Variants in ST3GAL3 observed in about 807,000 individuals in gnomAD.
The protein encoded by ST3GAL3 is CMP-N-acetylneuraminate-beta-1,4-galactoside alpha-2,3-sialyltransferase.
In ST3GAL3, 21 loss-of-function variants were observed where a neutral mutation model predicts 50.1. The observed-to-expected ratio is 0.42, with a 90% confidence interval of 0.30 to 0.60. ST3GAL3 has a LOEUF of 0.60. ST3GAL3 is among the 20% of genes least tolerant of loss of function. The pLI is 0.19. For synonymous variants in ST3GAL3, 183 were observed against 190.0 expected (o/e 0.96, Z 0.30); for missense variants, 353 against 489.4 (o/e 0.72, Z 2.63).
Position 43,920,781 on chromosome 1 carries a change from G to A in ST3GAL3, c.892-1G>A. On this transcript the variant is annotated splice_acceptor_variant, in intron 10 of 11. Transcript: ENST00000347631. LOFTEE classifies it high-confidence loss of function. ...CTCTCACCCCTGCCCCCGTCTTCTA[G>A]AACATCCCTACCCTTGGCAGTGTGG... 1 of 1,614,166 alleles carries A rather than the reference G, an allele frequency of 6.2e-7. No individual in the cohort carries two copies. The highest frequency in any genetic ancestry group is 8.5e-7 in the Non-Finnish European group (1 of 1,180,024).
rs572942778 is a variant in ST3GAL3 at position 43,736,380 on chromosome 1, A to G, written c.118A>G (p.Asn40Asp). 4 of 1,614,196 alleles carry G rather than the reference A, an allele frequency of 2.5e-6. No homozygotes were observed. The highest frequency in any genetic ancestry group is 3.4e-6 in the Non-Finnish European group (4 of 1,180,024). Residue 40 changes from asparagine to aspartate, a missense_variant and splice_region_variant, in exon 2 of 12, where the codon AAT (asparagine) becomes GAT (aspartate). Asn to Asp is a conservative substitution (Grantham distance 23, BLOSUM62 1). Coordinates refer to ENST00000347631, the MANE Select transcript of ST3GAL3 (RefSeq NM_006279.5). ...CTTACTCCAGTGGGAGGAGGACTCC[A>G]GTAAGTATAGTCACTCTAGCTCACC... is the stretch of plus-strand genomic sequence containing the variant. ...LHLLQWEEDS[N>D]SVVLSFDSAG...
chr1:43,917,646 TA>T (rs1557541001), intron 9 of ST3GAL3, among the ~76,000 whole-genome samples: 2 of 71,478 alleles, frequency 2.8e-5, no homozygotes, highest in African/African-American at 1.0e-4. Context: ...TAATATAATA[TA>T]TAATATAATA....
At chr1:43,746,900 C>G (rs1042851267) in intron 2 of ST3GAL3, among the ~76,000 whole-genome samples, 17 of 151,804 alleles carry the variant, frequency 1.1e-4, no homozygotes, top group Non-Finnish European at 5.9e-5. Context: ...GTAGCTGGTA[C>G]TACAGGCATG....
rs553071929 is a variant in ST3GAL3 at position 43,748,360 on chromosome 1, T to A, written c.118+11980T>A. 2.6e-5 allele frequency among the ~76,000 whole-genome samples: 4 copies of A among 151,318 alleles called. No individual in the cohort carries two copies. The South Asian group carries it at 8.4e-4, about 32-fold the overall frequency. On this transcript the variant is annotated intron_variant, in intron 2 of 11. Transcript: ENST00000347631. ...TCTAAAGAGATTAAATAAAGACATC[T>A]AAATAAGGAGAGATTTATGATGCCT...
At chr1:43,870,572 A>G (rs1189346900) in intron 5 of ST3GAL3, among the ~76,000 whole-genome samples, 1 of 141,084 alleles carries the variant, frequency 7.1e-6, no homozygotes, top group African/African-American at 2.6e-5. Context: ...AAGGGAGGCA[A>G]GGCAGGAGTG....
intron 1 of ST3GAL3, among the ~76,000 whole-genome samples, chr1:43,715,601 G>A (rs1667004785): frequency 6.6e-6 from 1 of 151,550 alleles, no homozygotes; most frequent in African/African-American, 2.4e-5. Flanking sequence ...TTCAGCCTGG[G>A]TAACATAGTG....
chr1:43,820,882 A>G (rs1302340987), intron 4 of ST3GAL3, among the ~76,000 whole-genome samples: 2 of 152,190 alleles, frequency 1.3e-5, no homozygotes, highest in Admixed American at 1.3e-4. Context: ...TGAGTTATTA[A>G]ACTACTAAGT....
At chr1:43,883,348 T>A (rs1242228810) in intron 5 of ST3GAL3, among the ~76,000 whole-genome samples, 4 of 151,962 alleles carry the variant, frequency 2.6e-5, no homozygotes, top group Non-Finnish European at 5.9e-5. Context: ...GTAGCAGTGG[T>A]GGGGATCAGC....
At chr1:43,865,491 A>G (rs2071115119) in intron 5 of ST3GAL3, among the ~76,000 whole-genome samples, 1 of 152,126 alleles carries the variant, frequency 6.6e-6, no homozygotes. Flanking sequence ...CTCTATTATT[A>G]ATTTTATAAG....
intron 5 of ST3GAL3, among the ~76,000 whole-genome samples, chr1:43,856,036 C>A (rs1409354057): frequency 1.3e-5 from 2 of 152,212 alleles, no homozygotes; most frequent in Admixed American, 6.5e-5. Context: ...AGGTTTACAA[C>A]TGCGGTCATC....
At chr1:43,813,999 A>G (rs906875086) in intron 3 of ST3GAL3, among the ~76,000 whole-genome samples, 1 of 151,872 alleles carries the variant, frequency 6.6e-6, no homozygotes, top group African/African-American at 2.4e-5. Flanking sequence ...TCCTTATACA[A>G]ATGTTTTTGA....
At chr1:43,743,641 G>C (rs1174276376) in intron 2 of ST3GAL3, 1 of 275,752 alleles carries the variant, frequency 3.6e-6, no homozygotes, top group Non-Finnish European at 7.3e-6. Flanking sequence ...CCATGAAACA[G>C]GCACACCTGC....
At chr1:43,809,629 G>A (rs1362610385) in intron 3 of ST3GAL3, among the ~76,000 whole-genome samples, 1 of 152,068 alleles carries the variant, frequency 6.6e-6, no homozygotes, top group African/African-American at 2.4e-5. Flanking sequence ...CCCAGAAGTT[G>A]GAGGCTGCAG....
At chr1:43,763,412 T>C (rs1691301419) in intron 2 of ST3GAL3, among the ~76,000 whole-genome samples, 1 of 152,192 alleles carries the variant, frequency 6.6e-6, no homozygotes, top group South Asian at 2.1e-4. Flanking sequence ...CTATGAGTTC[T>C]AGTATTCTGT....
chr1:43,827,554 G>A (rs1256043966), intron 4 of ST3GAL3, among the ~76,000 whole-genome samples: 1 of 152,176 alleles, frequency 6.6e-6, no homozygotes, highest in Non-Finnish European at 1.5e-5. Flanking sequence ...CCAGGCTGGA[G>A]TGTAGCGGTG....
chr1:43,849,464 A>T (rs1031977721), intron 5 of ST3GAL3, among the ~76,000 whole-genome samples: 5 of 152,226 alleles, frequency 3.3e-5, no homozygotes, highest in African/African-American at 7.2e-5. Flanking sequence ...TTTGAAATAT[A>T]AAAATTGTAT....
chr1:43,721,347 C>T (rs1483810982), intron 1 of ST3GAL3, among the ~76,000 whole-genome samples: 2 of 145,648 alleles, frequency 1.4e-5, no homozygotes, highest in East Asian at 4.0e-4. Context: ...TCTTGTTGCC[C>T]AGGCTGGAGT....
chr1:43,804,107 A>G (rs1424803168), intron 3 of ST3GAL3, among the ~76,000 whole-genome samples: 6 of 152,186 alleles, frequency 3.9e-5, no homozygotes, highest in African/African-American at 1.4e-4. Context: ...ATCTGGGATC[A>G]TTGGGCTGCT....
intron 5 of ST3GAL3, among the ~76,000 whole-genome samples, chr1:43,883,732 C>T (rs1266775913): frequency 6.6e-6 from 1 of 152,158 alleles, no homozygotes; most frequent in Non-Finnish European, 1.5e-5. Context: ...GTTCCTCTGC[C>T]GTTGATGGGG....
Sources: gnomAD v4.1 joint callset for allele counts (sites outside exome capture counted in the v4.1 genomes callset) on GRCh38, gnomAD v4.1.1 for gene constraint, MANE v1.5 for transcripts, NCBI Gene and HGNC (gene_info 2026-07-23, HGNC 2026-07-21) for gene names.